The following KNL1 variants were observed in gnomAD, a reference collection of about 807,000 sequenced individuals.
The protein encoded by KNL1 is kinetochore scaffold 1.
In KNL1, 66 loss-of-function variants were observed where a neutral mutation model predicts 201.3. The ratio of observed to expected loss-of-function variants is 0.33; its 90% CI spans 0.27 to 0.40. The LOEUF (loss-of-function observed/expected upper bound fraction) is 0.40, where lower values mean the gene tolerates loss of function less well. Ranked by LOEUF, KNL1 falls within the 10% of genes least tolerant of loss-of-function variation. The pLI is 1.00. For missense variants in KNL1, 2,815 were observed against 2,690.5 expected, an observed-to-expected ratio of 1.05 and a Z score of -1.02; for synonymous variants, 895 against 899.2, an observed-to-expected ratio of 1.00 and a Z score of 0.08.
Position 40,662,073 on chromosome 15 carries a change from G to T in KNL1, c.6837-1G>T. 6.4e-7 allele frequency: 1 copy of T among 1,552,892 alleles called. No homozygotes were observed. The highest frequency in any genetic ancestry group is 8.9e-7 in the Non-Finnish European group (1 of 1,124,728). On this transcript the variant is annotated splice_acceptor_variant, in intron 25 of 25. Transcript: ENST00000399668. LOFTEE classifies it high-confidence loss of function. Reference sequence around the variant, plus strand: ...AATTGATTAACCTTTGTTCTTTCCAGCCAAGATGATATTGCTACCATTCTA... The same window carrying T: ...AATTGATTAACCTTTGTTCTTTCCATCCAAGATGATATTGCTACCATTCTA...
At chr15:40,616,509 G>C (rs1892350436) in intron 8 of KNL1, among the ~76,000 whole-genome samples, 1 of 152,168 alleles carries the variant, frequency 6.6e-6, no homozygotes, top group Non-Finnish European at 1.5e-5. Flanking sequence ...ATTCACTGAA[G>C]TCAGGAATCA....
At position 40,645,051 on chromosome 15, in the gene KNL1, C is replaced by A. The variant is rs527919489; in HGVS notation, c.5853C>A (p.Asn1951Lys). ...AGCTGTTGGTTGATATAAATAAGAA[C>A]CTGTGGGAAAAAATGAGACACTGCT... ...QDKLLVDINK[N>K]LWEKMRHCSD... Residue 1951 changes from asparagine (N) to lysine (K), a missense_variant, in exon 15 of 26, where the codon AAC (asparagine) becomes AAA (lysine). Around this residue, in one of 3 missense-constraint regions of KNL1, gnomAD observed 2,464 missense variants for 2,291.7 expected, o/e 1.08. Coordinates refer to ENST00000399668, the MANE Select transcript of KNL1 (RefSeq NM_144508.5). 3.4e-5 allele frequency: 54 copies of A among 1,611,494 alleles called. No individual in the cohort carries two copies. The East Asian group carries it at 1.1e-3, about 33-fold the overall frequency.
intron 13 of KNL1, among the ~76,000 whole-genome samples, chr15:40,637,857 A>C (rs1345275247): frequency 6.6e-6 from 1 of 151,780 alleles, no homozygotes; most frequent in Non-Finnish European, 1.5e-5. Context: ...TGTATATGCA[A>C]ATATTCCAAA....
intron 16 of KNL1, among the ~76,000 whole-genome samples, chr15:40,646,268 T>A (rs1252115829): frequency 6.6e-6 from 1 of 152,176 alleles, no homozygotes; most frequent in Admixed American, 6.5e-5. Flanking sequence ...AATGCTGTAA[T>A]TCTTTTTGAC....
At chr15:40,642,659 G>A (rs575406696) in intron 14 of KNL1, among the ~76,000 whole-genome samples, 26 of 152,126 alleles carry the variant, frequency 1.7e-4, no homozygotes, top group Admixed American at 5.9e-4. Flanking sequence ...ACAGAGTCTC[G>A]CTCTGTTGCC....
intron 4 of KNL1, among the ~76,000 whole-genome samples, chr15:40,607,549 G>GATT (rs1278773417): frequency 2.0e-5 from 3 of 151,962 alleles, no homozygotes; most frequent in East Asian, 1.9e-4. Flanking sequence ...TCTGTCTTTT[G>GATT]ATTATTATTA....
chr15:40,603,669 G>T (rs1566999027), intron 2 of KNL1, among the ~76,000 whole-genome samples: 1 of 152,222 alleles, frequency 6.6e-6, no homozygotes. Context: ...GCTTGGCTTT[G>T]CCCAGGAAAG....
chr15:40,605,264 C>G, intron 3 of KNL1, 115 bp downstream of exon 3: 1 of 614,982 alleles, frequency 1.6e-6, no homozygotes, highest in Non-Finnish European at 3.0e-6. Context: ...TCCTGTTGCT[C>G]TCTAGATAAA....
chr15:40,623,349 G>T lies in KNL1; in HGVS notation c.3085G>T (p.Glu1029Ter). 1 of 1,614,004 alleles carries T rather than the reference G, an allele frequency of 6.2e-7. No homozygotes were observed. Among genetic ancestry groups the T allele is most frequent in the Non-Finnish European group, 8.5e-7 (1 of 1,179,920 alleles). Residue 1029 changes from glutamate to a stop codon, truncating the protein, a stop_gained, in exon 10 of 26, where the codon GAG becomes TAG. Coordinates refer to ENST00000399668, the MANE Select transcript of KNL1 (RefSeq NM_144508.5). LOFTEE classifies it high-confidence loss of function. ...ATGGTCTAATAATAGGGGCCCTGTA[G>T]AGGTAGCTGATAACATGGAATTGTC... ...EEWSNNRGPV[E>*]VADNMELSKS...
In KNL1 at chr15:40,605,151, T is replaced by C; in HGVS notation, c.75+2T>C. 6.9e-7 allele frequency: 1 copy of C among 1,446,548 alleles called. No individual in the cohort carries two copies. 89.6% of individuals were successfully genotyped at this position (1,446,548 alleles called of 1,614,324 possible). ...CCTGTTAGAAGACGGCATTCTTCAG[T>C]AAGAAAGACTTTCTTGAATTAATAA... On this transcript the variant is annotated splice_donor_variant, in intron 3 of 25. Coordinates refer to ENST00000399668, the MANE Select transcript of KNL1 (RefSeq NM_144508.5). LOFTEE classifies it high-confidence loss of function.
Position 40,623,944 on chromosome 15 carries a change from C to A in KNL1, c.3680C>A (p.Thr1227Asn). 2 of 1,613,458 alleles carry A rather than the reference C, an allele frequency of 1.2e-6. No homozygotes were observed. The highest frequency in any genetic ancestry group is 1.7e-6 in the Non-Finnish European group (2 of 1,179,912). ...GTAGGAAACAAAATAGTTCTTCACA[C>A]CGAGCAAAAGCAACAACTCTTTGCT... is the stretch of plus-strand genomic sequence containing the variant. ...LAVGNKIVLHTEQKQQLFAAT... is the reference protein window; with the variant it reads ...LAVGNKIVLHNEQKQQLFAAT... The change falls in exon 10 of 26, where the codon ACC becomes AAC. Residue 1227 changes from threonine to asparagine, a missense_variant. Thr to Asn is a moderately conservative substitution (Grantham distance 65). Transcript: ENST00000399668.
At chr15:40,652,160 C>T (rs1300904328) in intron 21 of KNL1, 55 bp downstream of exon 21, 2 of 1,148,392 alleles carry the variant, frequency 1.7e-6, no homozygotes, top group African/African-American at 3.0e-5. Context: ...GCTACACTCA[C>T]TAAAGATTCA....
rs1296534388 is a variant in KNL1 at position 40,608,923 on chromosome 15, G to A, written c.197+15G>A. On this transcript the variant is annotated intron_variant, in intron 5 of 25. Transcript: ENST00000399668. ...GATACTATAAAGTAAGTTGAAAGCA[G>A]AAATAACTAAAATATTATAGGTACT... is the stretch of plus-strand genomic sequence containing the variant. 6.3e-7 allele frequency: 1 copy of A among 1,576,786 alleles called. No homozygotes were observed. The highest frequency in any genetic ancestry group is 2.2e-5 in the East Asian group (1 of 44,682).
intron 6 of KNL1, among the ~76,000 whole-genome samples, 163 bp from the exon 7 acceptor site, chr15:40,611,315 G>T (rs1052145732): frequency 6.6e-6 from 1 of 151,972 alleles, no homozygotes; most frequent in African/African-American, 2.4e-5. Context: ...CACCGTGTTG[G>T]TCAGGTTGAT....
Position 40,662,738 on chromosome 15 carries a change from T to C in KNL1, c.*550T>C, listed in dbSNP as rs544186956. On this transcript the variant is annotated 3_prime_UTR_variant, in exon 26 of 26. Transcript: ENST00000399668. ...AGTTTGGGAGGCCAAAATGGGTGAA[T>C]AGCCTGAGTCCAGGAATTCAAGACC... 2 of 179,824 alleles carry C rather than the reference T, an allele frequency of 1.1e-5. No individual in the cohort carries two copies. Among genetic ancestry groups the C allele is most frequent in the South Asian group, 2.0e-4 (1 of 5,048 alleles). 11.1% of individuals were successfully genotyped at this position (179,824 alleles called of 1,614,324 possible).
intron 20 of KNL1, 124 bp downstream of exon 20, chr15:40,651,696 A>G (rs768454290): frequency 9.6e-5 from 61 of 638,276 alleles, no homozygotes; most frequent in Non-Finnish European, 1.5e-4. Flanking sequence ...TGCTGTTTCA[A>G]AAAGAGTCAG....
rs755933929 is a variant in KNL1, at chr15:40,622,711, G to C, written c.2447G>C (p.Ser816Thr). The stretch of plus-strand genomic sequence containing the variant: ...TGTGGTAAAAGTCCCATAGAAAAAA[G>C]TGGAGTGCTTAAATCTAACTGTATT... ...EKCGKSPIEKSGVLKSNCIMD... is the reference protein window; with the variant it reads ...EKCGKSPIEKTGVLKSNCIMD... The change falls in exon 10 of 26, where the codon AGT (serine) becomes ACT (threonine). Residue 816 changes from serine (S) to threonine (T), a missense_variant. Coordinates refer to ENST00000399668, the MANE Select transcript of KNL1 (RefSeq NM_144508.5). 1.9e-6 allele frequency: 3 copies of C among 1,591,180 alleles called. No homozygotes were observed. Among genetic ancestry groups the C allele is most frequent in the South Asian group, 2.3e-5 (2 of 87,132 alleles).
chr15:40,601,740 A>G (rs1311176521), intron 1 of KNL1, among the ~76,000 whole-genome samples: 7 of 147,260 alleles, frequency 4.8e-5, no homozygotes, highest in Non-Finnish European at 9.0e-5. Flanking sequence ...AGAATGGAGA[A>G]TGGCGTGAAC....
intron 1 of KNL1, 53 bp from the exon 2 acceptor site, chr15:40,602,862 G>A (rs116578977): frequency 7.3e-6 from 7 of 958,472 alleles, no homozygotes; most frequent in Middle Eastern, 2.1e-4. Flanking sequence ...TTCTTAGACT[G>A]TAGTTGCTCT....
Sources: gnomAD v4.1 joint callset for allele counts (sites outside exome capture counted in the v4.1 genomes callset) on GRCh38, gnomAD v4.1.1 for gene constraint, gnomAD v4.1.1 regional missense constraint, MANE v1.5 for transcripts, NCBI Gene and HGNC (gene_info 2026-07-23, HGNC 2026-07-21) for gene names.